Variants in CMTM7 observed in about 807,000 individuals in gnomAD.
The protein encoded by CMTM7 is CKLF-like MARVEL transmembrane domain-containing protein 7.
A neutral mutation model predicts 19.3 loss-of-function variants in CMTM7; 7 were observed. The observed-to-expected ratio is 0.36, with a 90% CI of 0.21 to 0.68. The LOEUF (loss-of-function observed/expected upper bound fraction) is 0.68. Among genes scored for constraint, CMTM7 ranks in the 30% least tolerant of loss-of-function variants. The pLI, the probability that CMTM7 is intolerant of heterozygous loss-of-function variation, is 0.60. For synonymous variants in CMTM7, 87 were observed against 99.3 expected, an observed-to-expected ratio of 0.88 and a Z score of 0.74; for missense variants, 193 against 232.6, an observed-to-expected ratio of 0.83 and a Z score of 1.11.
At chr3:32,417,716 C>G (rs78890335) in intron 1 of CMTM7, among the ~76,000 whole-genome samples, 2 of 152,292 alleles carry the variant, frequency 1.3e-5, no homozygotes, top group South Asian at 4.1e-4. Flanking sequence ...ACCACACTTG[C>G]CAGCATTTGA....
intron 1 of CMTM7, among the ~76,000 whole-genome samples, chr3:32,432,615 C>T (rs1207076537): frequency 6.6e-6 from 1 of 152,182 alleles, no homozygotes; most frequent in Non-Finnish European, 1.5e-5. Flanking sequence ...AGGATCAGCT[C>T]AAATCACTCA....
intron 4 of CMTM7, among the ~76,000 whole-genome samples, chr3:32,453,515 C>T (rs1171260724): frequency 1.3e-5 from 2 of 152,342 alleles, no homozygotes; most frequent in East Asian, 3.9e-4. Context: ...TTAAGTCCAT[C>T]GCATGACTGT....
At chr3:32,445,288 C>T (rs1003599140) in intron 2 of CMTM7, among the ~76,000 whole-genome samples, 2 of 152,116 alleles carry the variant, frequency 1.3e-5, no homozygotes, top group East Asian at 3.9e-4. Flanking sequence ...TATCTTTTTC[C>T]TCATGTTAGG....
At chr3:32,422,480 T>A (rs1270101256) in intron 1 of CMTM7, among the ~76,000 whole-genome samples, 1 of 152,242 alleles carries the variant, frequency 6.6e-6, no homozygotes, top group Admixed American at 6.5e-5. Context: ...TTCCTTAGGA[T>A]TATCTTTGGC....
chr3:32,429,188 C>G (rs1696476984), intron 1 of CMTM7, among the ~76,000 whole-genome samples: 1 of 152,150 alleles, frequency 6.6e-6, no homozygotes, highest in South Asian at 2.1e-4. Context: ...AACTTCCTCT[C>G]ATGCCTTTAT....
Position 32,416,674 on chromosome 3 carries a change from G to A in CMTM7, c.159+24609G>A, listed in dbSNP as rs113795891. ...CAAAGTGCTGGGATTACAGGCGTGA[G>A]CCACCACGCCCAACCATATGTACTT... On this transcript the variant is annotated intron_variant, in intron 1 of 4. Transcript: ENST00000334983. Among the ~76,000 whole-genome samples the A allele has an allele frequency of 4.8e-3, 737 of 152,220 alleles. 4 individuals are homozygous for A. Among genetic ancestry groups the A allele is most frequent in the African/African-American group, 0.017 (701 of 41,518 alleles).
intron 1 of CMTM7, among the ~76,000 whole-genome samples, chr3:32,393,795 A>G (rs972886838): frequency 1.3e-5 from 2 of 148,372 alleles, no homozygotes; most frequent in Non-Finnish European, 3.0e-5. Flanking sequence ...AAAAAAAGGT[A>G]CAAAGAAAAG....
chr3:32,406,558 A>G (rs539063863), intron 1 of CMTM7, among the ~76,000 whole-genome samples: 1 of 152,106 alleles, frequency 6.6e-6, no homozygotes, highest in Non-Finnish European at 1.5e-5. Context: ...CTCATATCCC[A>G]CTCAAATTTC....
At chr3:32,426,861 G>T (rs1236161067) in intron 1 of CMTM7, among the ~76,000 whole-genome samples, 1 of 152,130 alleles carries the variant, frequency 6.6e-6, no homozygotes, top group Non-Finnish European at 1.5e-5. Flanking sequence ...GTCCAGAGGT[G>T]CCTTTTAGAC....
chr3:32,435,580 A>G (rs347144), intron 1 of CMTM7, among the ~76,000 whole-genome samples: 112,809 of 152,090 alleles, frequency 0.74, 42,036 homozygotes, highest in Non-Finnish European at 0.76. Context: ...AGCAATGTCT[A>G]GAGACATTTT....
At chr3:32,431,585 A>T (rs1244383371) in intron 1 of CMTM7, among the ~76,000 whole-genome samples, 3 of 152,128 alleles carry the variant, frequency 2.0e-5, no homozygotes, top group Non-Finnish European at 4.4e-5. Flanking sequence ...GACCAGACAG[A>T]ATTTAGGCCC....
At chr3:32,429,968 C>T (rs1696491234) in intron 1 of CMTM7, among the ~76,000 whole-genome samples, 1 of 152,158 alleles carries the variant, frequency 6.6e-6, no homozygotes, top group African/African-American at 2.4e-5. Context: ...GAGAATAGCA[C>T]AGTGAACACT....
chr3:32,404,642 T>C (rs1696064034), intron 1 of CMTM7, among the ~76,000 whole-genome samples: 1 of 152,222 alleles, frequency 6.6e-6, no homozygotes, highest in Non-Finnish European at 1.5e-5. Context: ...GTGTGCTATC[T>C]CTCCATGTAT....
chr3:32,447,535 C>T (rs778515540), intron 2 of CMTM7, among the ~76,000 whole-genome samples: 1 of 152,130 alleles, frequency 6.6e-6, no homozygotes, highest in African/African-American at 2.4e-5. Flanking sequence ...ATTGAATTCT[C>T]CAACTATTAT....
chr3:32,454,143 G>GC, intron 4 of CMTM7, 98 bp from the exon 5 acceptor site: 2 of 1,270,188 alleles, frequency 1.6e-6, no homozygotes, highest in Non-Finnish European at 2.2e-6. Context: ...GGACACAGGT[G>GC]CCCCCCTGAG....
chr3:32,396,033 A>G (rs1019868178), intron 1 of CMTM7, among the ~76,000 whole-genome samples: 5 of 152,228 alleles, frequency 3.3e-5, no homozygotes, highest in Non-Finnish European at 7.3e-5. Flanking sequence ...AAAAAAGCCA[A>G]CCACAAAAGA....
chr3:32,436,343 AGGGAGGCACG>A (rs1321339064), intron 1 of CMTM7, among the ~76,000 whole-genome samples: 3 of 152,186 alleles, frequency 2.0e-5, no homozygotes, highest in Admixed American at 2.0e-4. Context: ...TGACTTTAAC[AGGGAGGCACG>A]GGTGAATCTC....
intron 1 of CMTM7, among the ~76,000 whole-genome samples, chr3:32,435,382 CG>C (rs1696583177): frequency 6.6e-6 from 1 of 152,000 alleles, no homozygotes; most frequent in South Asian, 2.1e-4. Flanking sequence ...CCAGCCTGGG[CG>C]ACTGGGAGAG....
intron 1 of CMTM7, among the ~76,000 whole-genome samples, chr3:32,424,959 G>C (rs1382530723): frequency 6.6e-6 from 1 of 152,152 alleles, no homozygotes; most frequent in Non-Finnish European, 1.5e-5. Context: ...TTTATAGTTA[G>C]AGCTTTGCTG....
Sources: gnomAD v4.1 joint callset for allele counts (sites outside exome capture counted in the v4.1 genomes callset) on GRCh38, gnomAD v4.1.1 for gene constraint, MANE v1.5 for transcripts, NCBI Gene and HGNC (gene_info 2026-07-23, HGNC 2026-07-21) for gene names.